FILIP1: variants seen among roughly 807,000 people sequenced by gnomAD.
FILIP1 encodes the protein filamin A interacting protein 1.
A neutral mutation model predicts 102.1 loss-of-function variants in FILIP1; 61 were observed. The ratio of observed to expected loss-of-function variants is 0.60; its 90% CI spans 0.49 to 0.74. The LOEUF (loss-of-function observed/expected upper bound fraction) is 0.74. Ranked by LOEUF, FILIP1 falls within the 30% of genes least tolerant of loss-of-function variation. FILIP1 has a pLI of 0.00. For synonymous variants in FILIP1, 491 were observed against 526.9 expected, an observed-to-expected ratio of 0.93 and a Z score of 0.93; for missense variants, 1,314 against 1,441.2, an observed-to-expected ratio of 0.91 and a Z score of 1.43.
At chr6:75,454,779 T>C (rs9447486) in intron 1 of FILIP1, among the ~76,000 whole-genome samples, 33,896 of 152,078 alleles carry the variant, frequency 0.22, 3,835 homozygotes, top group South Asian at 0.31. Flanking sequence ...ATTTTAGCCA[T>C]AGTTGAGTTT....
chr6:75,331,477 G>A (rs906636702), intron 4 of FILIP1, among the ~76,000 whole-genome samples: 1 of 152,124 alleles, frequency 6.6e-6, no homozygotes, highest in African/African-American at 2.4e-5. Flanking sequence ...AGTGTATTAG[G>A]GGATAGGAAT....
chr6:75,336,518 G>A (rs1391277469), intron 4 of FILIP1, among the ~76,000 whole-genome samples: 2 of 151,592 alleles, frequency 1.3e-5, no homozygotes, highest in African/African-American at 4.8e-5. Flanking sequence ...AAAAAAAAAA[G>A]GGAATCAAGG....
At chr6:75,301,799 A>T (rs1315662161) in intron 6 of FILIP1, among the ~76,000 whole-genome samples, 3 of 152,190 alleles carry the variant, frequency 2.0e-5, no homozygotes, top group African/African-American at 7.2e-5. Context: ...GGTAGAAAAG[A>T]GTATGGCTCC....
intron 2 of FILIP1, among the ~76,000 whole-genome samples, chr6:75,373,168 T>G (rs1057212808): frequency 8.5e-5 from 13 of 152,314 alleles, no homozygotes; most frequent in African/African-American, 3.1e-4. Flanking sequence ...ATACTAAGTA[T>G]AACAAGTCAG....
intron 6 of FILIP1, among the ~76,000 whole-genome samples, chr6:75,297,443 A>T (rs1420580012): frequency 6.6e-6 from 1 of 152,136 alleles, no homozygotes. Flanking sequence ...GAGGTAGATA[A>T]GAAAGCCAAG....
intron 1 of FILIP1, among the ~76,000 whole-genome samples, chr6:75,483,968 C>G (rs1308046985): frequency 6.6e-6 from 1 of 152,014 alleles, no homozygotes; most frequent in African/African-American, 2.4e-5. Flanking sequence ...CTGTTAGTGC[C>G]TAACATACAG....
chr6:75,474,405 G>C (rs1185994499), intron 1 of FILIP1, among the ~76,000 whole-genome samples: 1 of 152,130 alleles, frequency 6.6e-6, no homozygotes, highest in Non-Finnish European at 1.5e-5. Flanking sequence ...AAACATCCAT[G>C]CTGTCTTTAT....
chr6:75,459,674 A>G (rs747600012), intron 1 of FILIP1, among the ~76,000 whole-genome samples: 51 of 152,132 alleles, frequency 3.4e-4, no homozygotes, highest in Non-Finnish European at 6.2e-4. Context: ...TAACATCTAC[A>G]TTCCCTTTTA....
chr6:75,449,003 A>G (rs902735987), intron 1 of FILIP1, among the ~76,000 whole-genome samples: 4 of 152,204 alleles, frequency 2.6e-5, no homozygotes, highest in Admixed American at 6.5e-5. Flanking sequence ...ATAAGGCATT[A>G]TACGAAAAAG....
chr6:75,410,991 T>C (rs908848219), intron 2 of FILIP1, among the ~76,000 whole-genome samples: 15 of 152,182 alleles, frequency 9.9e-5, no homozygotes, highest in African/African-American at 3.6e-4. Context: ...TTGAGGAATC[T>C]CCACACTGTC....
At chr6:75,324,345 C>CAA (rs35302698) in intron 4 of FILIP1, among the ~76,000 whole-genome samples, 1,881 of 105,274 alleles carry the variant, frequency 0.018, 50 homozygotes, top group African/African-American at 0.057. Context: ...TATACCTAAC[C>CAA]AAAAAAAAAA....
chr6:75,430,789 T>C (rs892833627), intron 1 of FILIP1, among the ~76,000 whole-genome samples: 5 of 152,158 alleles, frequency 3.3e-5, no homozygotes, highest in Admixed American at 1.3e-4. Context: ...CAAATGGCTG[T>C]GGATTAGGAC....
rs760134089 is a variant in FILIP1 at position 75,308,661 on chromosome 6, C to G, written c.*30G>C. On this transcript the variant is annotated 3_prime_UTR_variant, in exon 6 of 6. Transcript: ENST00000237172. ...TTCACTTTCACGGCAGCAGTAGCAT[C>G]TGCACAACATACCCCCTTAGCCACT... The G allele has an allele frequency of 1.2e-6, 2 of 1,611,398 alleles. No homozygotes were observed. The highest frequency in any genetic ancestry group is 1.7e-6 in the Non-Finnish European group (2 of 1,179,440).
intron 2 of FILIP1, 32 bp downstream of exon 2, chr6:75,414,665 A>T: frequency 6.3e-7 from 1 of 1,589,374 alleles, no homozygotes; most frequent in Non-Finnish European, 8.6e-7. Context: ...GAAACCAAAG[A>T]CACAATAACA....
chr6:75,425,910 G>A (rs905671820), intron 1 of FILIP1, among the ~76,000 whole-genome samples: 2 of 152,166 alleles, frequency 1.3e-5, no homozygotes, highest in Admixed American at 1.3e-4. Flanking sequence ...GGTAGCACCA[G>A]GGACAAAACT....
At chr6:75,461,921 C>T (rs1388235161) in intron 1 of FILIP1, among the ~76,000 whole-genome samples, 2 of 152,156 alleles carry the variant, frequency 1.3e-5, no homozygotes, top group South Asian at 2.1e-4. Context: ...GCCTACACAA[C>T]TTTCAAGCAA....
At chr6:75,422,742 A>G (rs565684191) in intron 1 of FILIP1, among the ~76,000 whole-genome samples, 1 of 152,326 alleles carries the variant, frequency 6.6e-6, no homozygotes, top group African/African-American at 2.4e-5. Context: ...TGCAAAAGCA[A>G]CTGCAGTTTT....
intron 4 of FILIP1, among the ~76,000 whole-genome samples, chr6:75,324,345 C>CA (rs35302698): frequency 0.58 from 60,797 of 104,962 alleles, 16,959 homozygotes; most frequent in Middle Eastern, 0.69. Context: ...TATACCTAAC[C>CA]AAAAAAAAAA....
rs147494741 is a variant in FILIP1 at position 75,351,481 on chromosome 6, G to A, written c.629+2058C>T. On this transcript the variant is annotated intron_variant, in intron 4 of 5. Transcript: ENST00000237172. ...GGTCTAGTGACTTACTACCTTAAAG[G>A]GAGAACAGTGAGTCTGGTATTCACG... Among the ~76,000 whole-genome samples, 296 of 152,226 alleles carry A rather than the reference G, an allele frequency of 1.9e-3. 1 individual carries two copies. The highest frequency in any genetic ancestry group is 6.7e-3 in the African/African-American group (280 of 41,524).
Sources: gnomAD v4.1 joint callset for allele counts (sites outside exome capture counted in the v4.1 genomes callset) on GRCh38, gnomAD v4.1.1 for gene constraint, MANE v1.5 for transcripts, NCBI Gene and HGNC (gene_info 2026-07-23, HGNC 2026-07-21) for gene names.